PALLD: variants seen among roughly 807,000 people sequenced by gnomAD.
The protein encoded by PALLD is palladin, cytoskeletal associated protein.
In PALLD, 61 loss-of-function variants were observed where a neutral mutation model predicts 123.5. The observed-to-expected ratio is 0.49, with a 90% CI of 0.40 to 0.61. The LOEUF (loss-of-function observed/expected upper bound fraction) is 0.61, where lower values mean the gene tolerates loss of function less well. Among genes scored for constraint, PALLD ranks in the 20% least tolerant of loss-of-function variants. PALLD has a pLI of 0.00. For synonymous variants in PALLD, 465 were observed against 496.4 expected (o/e 0.94, Z 0.84); for missense variants, 1,273 against 1,377.0 (o/e 0.92, Z 1.20).
chr4:168,911,795 T>C (rs944097011), intron 15 of PALLD, among the ~76,000 whole-genome samples: 2 of 152,236 alleles, frequency 1.3e-5, no homozygotes, highest in African/African-American at 4.8e-5. Flanking sequence ...TTCATAATGT[T>C]AGACTTCATG....
chr4:168,843,420 CA>C (rs1256506671), intron 10 of PALLD, among the ~76,000 whole-genome samples: 1 of 152,114 alleles, frequency 6.6e-6, no homozygotes, highest in Non-Finnish European at 1.5e-5. Context: ...TTAATGATTT[CA>C]GATAGTTCTT....
At chr4:168,870,031 G>A (rs1469562757) in intron 10 of PALLD, among the ~76,000 whole-genome samples, 1 of 152,228 alleles carries the variant, frequency 6.6e-6, no homozygotes, top group African/African-American at 2.4e-5. Context: ...GTCAGAGGCT[G>A]CAGAGATACC....
In PALLD at chr4:168,668,221, A is replaced by G; in HGVS notation, c.940A>G (p.Thr314Ala). The change falls in exon 3 of 22, where the codon ACT becomes GCT. Residue 314 changes from threonine to alanine, a missense_variant. Coordinates refer to ENST00000505667, the MANE Select transcript of PALLD (RefSeq NM_001166108.2). Reference protein sequence around the residue: ...WFCEGKELHNTPDIQIHCEGG... With the variant: ...WFCEGKELHNAPDIQIHCEGG... The stretch of plus-strand genomic sequence containing the variant: ...CTGTGAAGGGAAAGAACTGCACAAC[A>G]CTCCTGATATTCAAATCCACTGTGA... 2 of 1,613,872 alleles carry G rather than the reference A, an allele frequency of 1.2e-6. No homozygotes were observed. Among genetic ancestry groups the G allele is most frequent in the Non-Finnish European group, 1.7e-6 (2 of 1,179,970 alleles).
At chr4:168,720,157 G>A (rs1046244759) in intron 10 of PALLD, among the ~76,000 whole-genome samples, 5 of 152,184 alleles carry the variant, frequency 3.3e-5, no homozygotes, top group Non-Finnish European at 7.3e-5. Context: ...TTATCTCTAC[G>A]ATGATTTTGG....
At chr4:168,503,687 C>T (rs1342643696) in intron 1 of PALLD, among the ~76,000 whole-genome samples, 5 of 151,350 alleles carry the variant, frequency 3.3e-5, no homozygotes, top group Non-Finnish European at 5.9e-5. Context: ...AAAGGAAGCA[C>T]ATTTTAAGCA....
chr4:168,497,380 C>T (rs892190975), intron 1 of PALLD, among the ~76,000 whole-genome samples, 186 bp downstream of exon 1: 7 of 152,200 alleles, frequency 4.6e-5, no homozygotes, highest in Admixed American at 3.9e-4. Flanking sequence ...ACAGATAATA[C>T]GTAAGATTTG....
intron 10 of PALLD, among the ~76,000 whole-genome samples, chr4:168,718,157 A>G (rs1785548399): frequency 1.3e-5 from 2 of 152,202 alleles, no homozygotes; most frequent in Admixed American, 6.5e-5. Context: ...TAGAACTTAC[A>G]AAGTTGAACA....
chr4:168,510,441 C>T (rs1021157625), intron 1 of PALLD, among the ~76,000 whole-genome samples: 2 of 152,018 alleles, frequency 1.3e-5, no homozygotes, highest in African/African-American at 4.8e-5. Context: ...ATATTATTAA[C>T]ATATTATTTG....
chr4:168,910,393 G>A (rs1455229124), intron 15 of PALLD, among the ~76,000 whole-genome samples: 1 of 152,018 alleles, frequency 6.6e-6, no homozygotes, highest in Non-Finnish European at 1.5e-5. Flanking sequence ...ACCAGCAGAA[G>A]TTAAAAAGGT....
intron 2 of PALLD, among the ~76,000 whole-genome samples, chr4:168,600,106 C>T (rs940646998): frequency 1.3e-5 from 2 of 149,640 alleles, no homozygotes; most frequent in South Asian, 4.2e-4. Flanking sequence ...TGTATGCACA[C>T]ATATATATAC....
chr4:168,540,616 G>A (rs1765521061), intron 2 of PALLD, among the ~76,000 whole-genome samples: 1 of 152,120 alleles, frequency 6.6e-6, no homozygotes, highest in African/African-American at 2.4e-5. Flanking sequence ...AAGTATGCAT[G>A]TATGTTTGTT....
chr4:168,545,924 C>T (rs751840340), intron 2 of PALLD, among the ~76,000 whole-genome samples: 23 of 152,282 alleles, frequency 1.5e-4, no homozygotes, highest in Middle Eastern at 6.8e-3. Context: ...TTTTAAATTA[C>T]TTAAAATAAG....
At position 168,926,288 on chromosome 4, in the gene PALLD, C is replaced by A; in HGVS notation, c.*108C>A. 1 of 1,537,122 alleles carries A rather than the reference C, an allele frequency of 6.5e-7. No homozygotes were observed. Among genetic ancestry groups the A allele is most frequent in the Non-Finnish European group, 8.7e-7 (1 of 1,146,790 alleles). ...TCAGCCAGTCGCTATGCAGCACTTT[C>A]GGACCAGGGACTAGACATCAAAGCA... On this transcript the variant is annotated 3_prime_UTR_variant, in exon 22 of 22. Transcript: ENST00000505667.
intron 2 of PALLD, among the ~76,000 whole-genome samples, chr4:168,541,931 A>G (rs1175085844): frequency 4.6e-5 from 7 of 152,232 alleles, no homozygotes; most frequent in Non-Finnish European, 1.0e-4. Flanking sequence ...AGGAGTGAAC[A>G]AAAGAGACAA....
intron 10 of PALLD, among the ~76,000 whole-genome samples, chr4:168,810,282 A>G (rs1162924565): frequency 6.6e-6 from 1 of 152,214 alleles, no homozygotes; most frequent in African/African-American, 2.4e-5. Context: ...TTGATCACCA[A>G]GCCAGGTCAT....
chr4:168,771,622 G>A (rs1437140653), intron 10 of PALLD, among the ~76,000 whole-genome samples: 1 of 152,138 alleles, frequency 6.6e-6, no homozygotes, highest in African/African-American at 2.4e-5. Flanking sequence ...CCCCCTGCTG[G>A]AAGTGGAATT....
intron 18 of PALLD, among the ~76,000 whole-genome samples, chr4:168,922,789 A>T (rs1439415437): frequency 6.6e-6 from 1 of 152,076 alleles, no homozygotes; most frequent in Non-Finnish European, 1.5e-5. Context: ...CTAAAACTTC[A>T]CTTTTCTGCT....
In PALLD at chr4:168,511,765, T is replaced by A. The variant is rs768653116; in HGVS notation, c.261T>A (p.Gly87=). 3 of 1,614,116 alleles carry A rather than the reference T, an allele frequency of 1.9e-6. No individual in the cohort carries two copies. Among genetic ancestry groups the A allele is most frequent in the Non-Finnish European group, 2.5e-6 (3 of 1,180,026 alleles). The change falls in exon 2 of 22, where the codon GGT becomes GGA. Residue 87 remains glycine (G), a synonymous_variant. Transcript: ENST00000505667. ...CTTCCCATAAGGAGACCAAATTGGG[T>A]GAACACGCCTCGAGGAGACCTCAGG... ...EHPSHKETKL[G]EHASRRPQDN... is the part of the protein sequence containing the mutation.
At chr4:168,560,588 A>C (rs1351346535) in intron 2 of PALLD, among the ~76,000 whole-genome samples, 1 of 152,238 alleles carries the variant, frequency 6.6e-6, no homozygotes, top group Non-Finnish European at 1.5e-5. Context: ...AAAATGATTT[A>C]AGTGATTCAT....
Sources: allele counts gnomAD v4.1 joint callset (sites outside exome capture counted in the v4.1 genomes callset), GRCh38; gene constraint gnomAD v4.1.1; transcripts MANE v1.5; gene names NCBI Gene and HGNC (gene_info 2026-07-23, HGNC 2026-07-21).